Variants in LINC00305 observed in about 807,000 individuals in gnomAD.
The protein encoded by LINC00305 is long independently transcribed non-coding RNA 305.
intron 3 of LINC00305, among the ~76,000 whole-genome samples, chr18:64,091,335 T>C (rs896017191): frequency 3.3e-5 from 5 of 152,210 alleles, no homozygotes; most frequent in African/African-American, 9.6e-5. Context: ...TCATGGAGCA[T>C]TGCCCACACA....
At chr18:64,140,468 C>T (rs1024496922) in intron 1 of LINC00305, among the ~76,000 whole-genome samples, 4 of 152,162 alleles carry the variant, frequency 2.6e-5, no homozygotes, top group Non-Finnish European at 5.9e-5. Flanking sequence ...ATTGGCCTCC[C>T]GAAGTGCTGG....
chr18:64,127,663 G>A (rs1318959959), intron 1 of LINC00305, among the ~76,000 whole-genome samples: 1 of 152,086 alleles, frequency 6.6e-6, no homozygotes, highest in Non-Finnish European at 1.5e-5. Context: ...GTCATGGTAA[G>A]ATAACCAAGG....
At chr18:64,130,491 G>A (rs766009933) in intron 1 of LINC00305, among the ~76,000 whole-genome samples, 20 of 150,274 alleles carry the variant, frequency 1.3e-4, no homozygotes, top group Non-Finnish European at 2.4e-4. Flanking sequence ...CTTACTGTGC[G>A]CCAAACACAT....
At chr18:64,094,916 G>A (rs1225327390) in intron 3 of LINC00305, among the ~76,000 whole-genome samples, 1 of 127,760 alleles carries the variant, frequency 7.8e-6, no homozygotes, top group Admixed American at 7.4e-5. Flanking sequence ...TTCTTTCTGG[G>A]CAAGCAAGAC....
intron 1 of LINC00305, among the ~76,000 whole-genome samples, chr18:64,140,663 C>T (rs904194094): frequency 2.6e-5 from 4 of 152,148 alleles, no homozygotes; most frequent in Admixed American, 6.5e-5. Flanking sequence ...GAGACATCCA[C>T]GTGGTCAACA....
chr18:64,108,758 A>T (rs190430503), intron 1 of LINC00305, among the ~76,000 whole-genome samples: 2 of 152,184 alleles, frequency 1.3e-5, no homozygotes, highest in Non-Finnish European at 2.9e-5. Context: ...AGCCCCAAAC[A>T]AGTGTACAGT....
intron 1 of LINC00305, among the ~76,000 whole-genome samples, chr18:64,141,056 A>T (rs2051460465): frequency 8.7e-6 from 1 of 114,456 alleles, no homozygotes; most frequent in African/African-American, 3.5e-5. Context: ...GAATGATAAA[A>T]AAAAAAAAAA....
chr18:64,147,584 A>G (rs1398327375), intron 1 of LINC00305, among the ~76,000 whole-genome samples: 2 of 152,100 alleles, frequency 1.3e-5, no homozygotes, highest in African/African-American at 4.8e-5. Flanking sequence ...CTGGCTGAAA[A>G]TGTCTGGCTT....
At chr18:64,084,294 G>A (rs536588729) in intron 3 of LINC00305, among the ~76,000 whole-genome samples, 1 of 152,124 alleles carries the variant, frequency 6.6e-6, no homozygotes, top group East Asian at 1.9e-4. Context: ...AACCCCATAA[G>A]AATCCAATTC....
chr18:64,092,690 T>C (rs1360460500), intron 3 of LINC00305, among the ~76,000 whole-genome samples: 1 of 152,224 alleles, frequency 6.6e-6, no homozygotes, highest in Admixed American at 6.5e-5. Flanking sequence ...TGGGGTGATC[T>C]TCCCCAAGGG....
chr18:64,126,935 C>T (rs900032233), intron 1 of LINC00305, among the ~76,000 whole-genome samples: 2 of 152,092 alleles, frequency 1.3e-5, no homozygotes, highest in Non-Finnish European at 1.5e-5. Context: ...ACATTAAGCA[C>T]TTTTGATTGC....
intron 3 of LINC00305, among the ~76,000 whole-genome samples, chr18:64,082,606 G>A (rs2051189360): frequency 1.3e-5 from 2 of 152,182 alleles, no homozygotes; most frequent in South Asian, 4.2e-4. Flanking sequence ...AGCTTAACCA[G>A]GAATTCACAT....
At chr18:64,137,464 G>T (rs968597501) in intron 1 of LINC00305, among the ~76,000 whole-genome samples, 2 of 152,160 alleles carry the variant, frequency 1.3e-5, no homozygotes, top group African/African-American at 4.8e-5. Flanking sequence ...ACTATTATTT[G>T]AATTTGATTC....
At chr18:64,141,437 G>A (rs1469472799) in intron 1 of LINC00305, among the ~76,000 whole-genome samples, 1 of 152,104 alleles carries the variant, frequency 6.6e-6, no homozygotes, top group Non-Finnish European at 1.5e-5. Flanking sequence ...TGTTGAAAAC[G>A]AGCATGAATT....
At chr18:64,131,192 G>C (rs939591995) in intron 1 of LINC00305, among the ~76,000 whole-genome samples, 4 of 152,152 alleles carry the variant, frequency 2.6e-5, no homozygotes, top group Non-Finnish European at 5.9e-5. Context: ...GTTACTAAAA[G>C]AGTTTCTTTT....
At chr18:64,096,044 T>C (rs761472961) in intron 3 of LINC00305, among the ~76,000 whole-genome samples, 1 of 151,932 alleles carries the variant, frequency 6.6e-6, no homozygotes, top group Non-Finnish European at 1.5e-5. Context: ...AAAAAAAATA[T>C]TAAAAAATGA....
chr18:64,112,519 T>G lies in LINC00305; in HGVS notation n.315-13879A>C, dbSNP rs79322805. Among the ~76,000 whole-genome samples, 88 of 152,320 alleles carry G rather than the reference T, an allele frequency of 5.8e-4. No homozygotes were observed. In the East Asian group the frequency reaches 0.015, roughly 27 times the overall value. ...AAAGATAAACACTATTTATGGTGTT[T>G]ATTTTTATTGAGAACAGAGGACAAT... On this transcript the variant is annotated intron_variant and non_coding_transcript_variant, in intron 1 of 3. Transcript: ENST00000666468.
At chr18:64,118,101 C>A (rs2051345740) in intron 1 of LINC00305, among the ~76,000 whole-genome samples, 1 of 152,052 alleles carries the variant, frequency 6.6e-6, no homozygotes, top group African/African-American at 2.4e-5. Context: ...GTGTGAACAG[C>A]TAGGAGGCAT....
At chr18:64,126,466 C>G (rs1030819567) in intron 1 of LINC00305, among the ~76,000 whole-genome samples, 2 of 151,970 alleles carry the variant, frequency 1.3e-5, no homozygotes, top group African/African-American at 4.8e-5. Flanking sequence ...CATTATTAGG[C>G]CCCTTCTCGG....
Sources: allele counts gnomAD v4.1 joint callset (sites outside exome capture counted in the v4.1 genomes callset), GRCh38; gene constraint gnomAD v4.1.1; transcripts MANE v1.5; gene names NCBI Gene and HGNC (gene_info 2026-07-23, HGNC 2026-07-21).